The following SCFD1 variants were observed in gnomAD, a reference collection of about 807,000 sequenced individuals.
SCFD1 encodes the protein sec1 family domain-containing protein 1.
In SCFD1, 37 loss-of-function variants were observed where a neutral mutation model predicts 103.2. The observed-to-expected ratio is 0.36, with a 90% CI of 0.28 to 0.47. SCFD1 has a LOEUF of 0.47. Among genes scored for constraint, SCFD1 ranks in the 20% least tolerant of loss-of-function variants. The pLI is 1.00. For synonymous variants in SCFD1, 264 were observed against 245.0 expected (o/e 1.08, Z -0.73); for missense variants, 639 against 761.2 (o/e 0.84, Z 1.89).
At chr14:30,689,809 C>T (rs1594703863) in intron 14 of SCFD1, among the ~76,000 whole-genome samples, 2 of 140,288 alleles carry the variant, frequency 1.4e-5, no homozygotes, top group African/African-American at 5.4e-5. Flanking sequence ...CTTCTCTCAG[C>T]TCGTCAAAAT....
In SCFD1 at chr14:30,631,282, G is replaced by A. The variant is rs1319199720; in HGVS notation, c.221+717G>A. 3.3e-5 allele frequency among the ~76,000 whole-genome samples: 5 copies of A among 152,278 alleles called. No individual in the cohort carries two copies. The East Asian group carries it at 7.7e-4, about 23-fold the overall frequency. On this transcript the variant is annotated intron_variant, in intron 3 of 24. Transcript: ENST00000458591. ...GCAGGAGAATCACTTGAACCCGGGA[G>A]GCAGAGGTTGCAGTGAGCCGAGACT...
chr14:30,726,903 G>A (rs1296608449), intron 23 of SCFD1, among the ~76,000 whole-genome samples: 1 of 152,102 alleles, frequency 6.6e-6, no homozygotes, highest in Non-Finnish European at 1.5e-5. Context: ...GCCCAAATTG[G>A]TTTAACCATT....
intron 7 of SCFD1, among the ~76,000 whole-genome samples, chr14:30,647,251 A>G (rs562887711): frequency 2.0e-5 from 3 of 152,320 alleles, no homozygotes; most frequent in Admixed American, 1.3e-4. Context: ...TTAATAAAAT[A>G]TGTCACACAA....
At chr14:30,622,444 A>C in intron 1 of SCFD1, 45 bp downstream of exon 1, 1 of 1,548,322 alleles carries the variant, frequency 6.5e-7, no homozygotes, top group African/African-American at 1.4e-5. Context: ...GACTGCCCCG[A>C]CGACATCCTT....
intron 16 of SCFD1, 33 bp from the exon 17 acceptor site, chr14:30,702,263 A>AT: frequency 2.1e-6 from 3 of 1,398,944 alleles, no homozygotes; most frequent in Non-Finnish European, 3.0e-6. Flanking sequence ...TGAAAGTAAA[A>AT]TTTTTTGTCA....
chr14:30,653,091 C>T (rs146215160), intron 9 of SCFD1, among the ~76,000 whole-genome samples: 1 of 152,122 alleles, frequency 6.6e-6, no homozygotes, highest in Non-Finnish European at 1.5e-5. Flanking sequence ...ATTGTGTGAC[C>T]ACGTTAAATT....
chr14:30,715,072 T>C (rs1227906756), intron 19 of SCFD1, among the ~76,000 whole-genome samples: 1 of 152,208 alleles, frequency 6.6e-6, no homozygotes, highest in African/African-American at 2.4e-5. Flanking sequence ...CAGTGCAACA[T>C]TGAAAACTTG....
chr14:30,671,423 T>C (rs1566618410), intron 11 of SCFD1, among the ~76,000 whole-genome samples: 1 of 152,152 alleles, frequency 6.6e-6, no homozygotes, highest in East Asian at 1.9e-4. Context: ...AAGAAATTAC[T>C]TTTATTAGAG....
chr14:30,695,910 T>TAA (rs199780612), intron 15 of SCFD1, among the ~76,000 whole-genome samples: 1 of 150,276 alleles, frequency 6.7e-6, no homozygotes, highest in Non-Finnish European at 1.5e-5. Context: ...GCAAAAATAG[T>TAA]AAAAAAAAAA....
intron 5 of SCFD1, among the ~76,000 whole-genome samples, chr14:30,639,549 A>G (rs1885061545): frequency 6.6e-6 from 1 of 152,078 alleles, no homozygotes; most frequent in African/African-American, 2.4e-5. Context: ...TGAAAATGTT[A>G]TTCTCCTCCT....
Position 30,649,511 on chromosome 14 carries a change from A to G in SCFD1, c.614-17A>G. ...ATTAAGAGCCAAGATCATTTCTAAC[A>G]TTTATTGTTAAAATAGGTGCTGTTC... On this transcript the variant is annotated splice_polypyrimidine_tract_variant and intron_variant, in intron 7 of 24. Coordinates refer to ENST00000458591, the MANE Select transcript of SCFD1 (RefSeq NM_016106.4). 1.3e-6 allele frequency: 2 copies of G among 1,551,146 alleles called. No individual in the cohort carries two copies. Among genetic ancestry groups the G allele is most frequent in the South Asian group, 2.4e-5 (2 of 84,510 alleles).
chr14:30,633,932 C>T lies in SCFD1; in HGVS notation c.222-15C>T, dbSNP rs1273150693. ...GTGAATAAAAAAATAAGTTTTAGTTCCTTATGTCTTCTAGGCTTTTACACT... is the reference window on the plus strand; with the variant it reads ...GTGAATAAAAAAATAAGTTTTAGTTTCTTATGTCTTCTAGGCTTTTACACT... On this transcript the variant is annotated splice_polypyrimidine_tract_variant and intron_variant, in intron 3 of 24. Coordinates refer to ENST00000458591, the MANE Select transcript of SCFD1 (RefSeq NM_016106.4). 5 of 1,488,284 alleles carry T rather than the reference C, an allele frequency of 3.4e-6. No homozygotes were observed. Among genetic ancestry groups the T allele is most frequent in the Non-Finnish European group, 4.6e-6 (5 of 1,087,950 alleles). 92.2% of individuals were successfully genotyped at this position (1,488,284 alleles called of 1,614,324 possible). A position where few individuals can be genotyped will look rare whatever the true frequency, so the allele number is the denominator to read the frequency against.
At chr14:30,691,917 A>G (rs1890332293) in intron 14 of SCFD1, among the ~76,000 whole-genome samples, 1 of 149,506 alleles carries the variant, frequency 6.7e-6, no homozygotes, top group African/African-American at 2.5e-5. Flanking sequence ...AGAATCTGCT[A>G]TGGCATTTAG....
Position 30,666,695 on chromosome 14 carries a change from C to A in SCFD1, c.856-3561C>A, listed in dbSNP as rs181629180. 2.0e-5 allele frequency among the ~76,000 whole-genome samples: 3 copies of A among 151,986 alleles called. No individual in the cohort carries two copies. In the South Asian group the frequency reaches 6.2e-4, roughly 32 times the overall value. On this transcript the variant is annotated intron_variant, in intron 10 of 24. Transcript: ENST00000458591. ...AGAAAAGAGAGAAGAATCAAATAGACGCAATAAAAAATGATAAAGGGGATA... is the reference window on the plus strand; with the variant it reads ...AGAAAAGAGAGAAGAATCAAATAGAAGCAATAAAAAATGATAAAGGGGATA...
intron 18 of SCFD1, 139 bp downstream of exon 18, chr14:30,706,024 TCTC>T (rs1238035784): frequency 1.7e-5 from 10 of 598,076 alleles, no homozygotes; most frequent in Non-Finnish European, 2.9e-5. Context: ...TGGCTGAAGT[TCTC>T]CTGGTTTTTT....
At chr14:30,625,379 G>C (rs548536146) in intron 1 of SCFD1, among the ~76,000 whole-genome samples, 8 of 152,072 alleles carry the variant, frequency 5.3e-5, no homozygotes, top group African/African-American at 1.9e-4. Flanking sequence ...TTCAAAATCC[G>C]AGCACCAGCT....
rs199780612 is a variant in SCFD1, at chr14:30,695,910, TA to T, written c.1339+1051del. 9.3e-5 allele frequency among the ~76,000 whole-genome samples: 14 copies of T among 150,378 alleles called. No individual in the cohort carries two copies. In the East Asian group the frequency reaches 1.8e-3, roughly 19 times the overall value. On this transcript the variant is annotated intron_variant, in intron 15 of 24. Transcript: ENST00000458591. The stretch of plus-strand genomic sequence containing the variant: ...CAAAAAAAACCACAGGCAAAAATAG[TA>T]AAAAAAAAATTTAATGTAATCCAAT...
intron 7 of SCFD1, among the ~76,000 whole-genome samples, chr14:30,646,197 A>G (rs906341116): frequency 1.3e-5 from 2 of 149,784 alleles, no homozygotes; most frequent in Non-Finnish European, 1.5e-5. Flanking sequence ...TAATTTTTCT[A>G]TTTTTACTAG....
At chr14:30,640,102 T>A (rs533718367) in intron 6 of SCFD1, among the ~76,000 whole-genome samples, 1 of 152,206 alleles carries the variant, frequency 6.6e-6, no homozygotes, top group Admixed American at 6.5e-5. Flanking sequence ...ACCTTTTCTA[T>A]ACCCCCACAG....
Sources: gnomAD v4.1 joint callset for allele counts (sites outside exome capture counted in the v4.1 genomes callset) on GRCh38, gnomAD v4.1.1 for gene constraint, MANE v1.5 for transcripts, NCBI Gene and HGNC (gene_info 2026-07-23, HGNC 2026-07-21) for gene names.